The following ENO4 variants were observed in gnomAD, a reference collection of about 807,000 sequenced individuals.
ENO4 encodes the protein 2-phospho-D-glycerate hydro-lyase.
A neutral mutation model predicts 63.2 loss-of-function variants in ENO4; 53 were observed. The ratio of observed to expected loss-of-function variants is 0.84; its 90% CI spans 0.67 to 1.05. ENO4 has a LOEUF of 1.05. Ranked by LOEUF, ENO4 falls within the 50% of genes least tolerant of loss-of-function variation. The probability of loss-of-function intolerance (pLI) is 0.00; values close to 1 mark genes in which losing one functional copy is unlikely to be tolerated. For synonymous variants in ENO4, 266 were observed against 283.8 expected, an observed-to-expected ratio of 0.94 and a Z score of 0.63; for missense variants, 719 against 772.0, an observed-to-expected ratio of 0.93 and a Z score of 0.81.
At chr10:116,853,571 A>T (rs1048489500) in intron 1 of ENO4, among the ~76,000 whole-genome samples, 1 of 152,208 alleles carries the variant, frequency 6.6e-6, no homozygotes, top group Non-Finnish European at 1.5e-5. Flanking sequence ...TTCACAGCCC[A>T]TATTAAGCAC....
rs192062974 is a variant in ENO4, at chr10:116,910,736, A to G, written c.1195-763A>G. ...GTCATAGGGAGTTCTCCTTAATAGA[A>G]CACTGAATAACAGACTTTTCTGATC... On this transcript the variant is annotated intron_variant, in intron 10 of 10. Coordinates refer to the ENO4 transcript ENST00000369207. 5.1e-4 allele frequency among the ~76,000 whole-genome samples: 77 copies of G among 152,334 alleles called. 1 individual carries two copies. In the East Asian group the frequency reaches 0.014, roughly 28 times the overall value.
intron 7 of ENO4, chr10:116,868,429 A>G: frequency 4.4e-6 from 3 of 674,626 alleles, no homozygotes; most frequent in Non-Finnish European, 5.4e-6. Flanking sequence ...AGGATGAACT[A>G]AAGGAAACAC....
Position 116,911,691 on chromosome 10 carries a change from G to C in ENO4, c.*119G>C, listed in dbSNP as rs1245134827. 5.1e-6 allele frequency: 8 copies of C among 1,578,486 alleles called. No individual in the cohort carries two copies. The East Asian group carries it at 1.8e-4, about 35-fold the overall frequency. ...CAAAGATGAGGCTAATTGTAAATGG[G>C]AATAAAACACACCACAAACAATTCA... is the stretch of plus-strand genomic sequence containing the variant. On this transcript the variant is annotated 3_prime_UTR_variant, in exon 11 of 11. Coordinates refer to the ENO4 transcript ENST00000369207.
chr10:116,867,359 T>A (rs1336660943), intron 7 of ENO4, among the ~76,000 whole-genome samples: 1 of 149,980 alleles, frequency 6.7e-6, no homozygotes, highest in Non-Finnish European at 1.5e-5. Context: ...GCATTTTTTA[T>A]GATTAAAAAG....
chr10:116,879,269 C>T, intron 11 of ENO4, 22 bp from the exon 12 acceptor site: 1 of 1,535,748 alleles, frequency 6.5e-7, no homozygotes, highest in African/African-American at 1.4e-5. Flanking sequence ...CCATATAAAA[C>T]TGAAAGAAAT....
chr10:116,892,359 C>T (rs1383013861), intron 10 of ENO4, among the ~76,000 whole-genome samples: 1 of 152,208 alleles, frequency 6.6e-6, no homozygotes, highest in Non-Finnish European at 1.5e-5. Flanking sequence ...ACGATTTCAG[C>T]TCGGCCAAAG....
At position 116,876,200 on chromosome 10, in the gene ENO4, A is replaced by G. The variant is rs965309723; in HGVS notation, c.1477A>G (p.Ile493Val). Residue 493 changes from isoleucine (I) to valine (V), a missense_variant, in exon 11 of 14, where the codon ATA becomes GTA. Physicochemically the swap from Ile to Val is conservative, Grantham distance 29 (BLOSUM62 3). Around this residue, in one of 3 missense-constraint regions of ENO4, gnomAD observed 168 missense variants for 163.3 expected, o/e 1.03. Transcript: ENST00000341276. ...ISIPKSNGLI[I>V]KHTNQTTMSD... ...CATCCCCAAATCCAATGGGCTGATCATAAAACACACAAACCAAACTACAAT... is the reference window on the plus strand; with the variant it reads ...CATCCCCAAATCCAATGGGCTGATCGTAAAACACACAAACCAAACTACAAT... 1.3e-6 allele frequency: 2 copies of G among 1,550,450 alleles called. No homozygotes were observed. Among genetic ancestry groups the G allele is most frequent in the Admixed American group, 3.9e-5 (2 of 50,946 alleles).
chr10:116,897,640 T>C (rs1246293410), intron 10 of ENO4, among the ~76,000 whole-genome samples: 1 of 152,220 alleles, frequency 6.6e-6, no homozygotes, highest in Non-Finnish European at 1.5e-5. Context: ...TTTATTAAAA[T>C]GCTTTTCCTA....
chr10:116,861,869 A>T (rs1191714590), intron 6 of ENO4, among the ~76,000 whole-genome samples: 1 of 152,148 alleles, frequency 6.6e-6, no homozygotes, highest in Non-Finnish European at 1.5e-5. Context: ...ATGATAAAGA[A>T]TTCTTTCTTA....
In ENO4 at chr10:116,881,844, A is replaced by G; in HGVS notation, c.*175A>G. The G allele has an allele frequency of 2.0e-6, 1 of 494,224 alleles. No individual in the cohort carries two copies. The highest frequency in any genetic ancestry group is 3.3e-6 in the Non-Finnish European group (1 of 304,318). 30.6% of individuals were successfully genotyped at this position (494,224 alleles called of 1,614,324 possible). On this transcript the variant is annotated 3_prime_UTR_variant, in exon 14 of 14. Coordinates refer to ENST00000341276, the MANE Select transcript of ENO4 (RefSeq NM_001242699.2). ...TACATATATGATGTTTTTGCCTGAA[A>G]TTCTGTGAACTTCGTTTTGCAGCCA...
chr10:116,905,159 G>T (rs1022451958), intron 10 of ENO4, among the ~76,000 whole-genome samples: 30 of 144,826 alleles, frequency 2.1e-4, no homozygotes, highest in African/African-American at 7.8e-4. Context: ...CCGAGATTGC[G>T]CCACTGCAGT....
intron 10 of ENO4, among the ~76,000 whole-genome samples, chr10:116,894,665 G>A (rs1014474842): frequency 2.6e-5 from 4 of 152,128 alleles, no homozygotes; most frequent in Non-Finnish European, 4.4e-5. Context: ...TTTGAAGTAA[G>A]GTTTTAAAGA....
rs897426395 is a variant in ENO4, at chr10:116,881,421, G to A, written c.1724-94G>A. 4 of 946,908 alleles carry A rather than the reference G, an allele frequency of 4.2e-6. No individual in the cohort carries two copies. The African/African-American group carries it at 6.7e-5, about 16-fold the overall frequency. 58.7% of individuals were successfully genotyped at this position (946,908 alleles called of 1,614,324 possible). On this transcript the variant is annotated intron_variant, in intron 13 of 13. Transcript: ENST00000341276. ...TTCCGATGGTGATGTGACACCTTTGGACTAGTACTGAAGATGATCTCCTTC... is the reference window on the plus strand; with the variant it reads ...TTCCGATGGTGATGTGACACCTTTGAACTAGTACTGAAGATGATCTCCTTC...
In ENO4 at chr10:116,856,587, G is replaced by T; in HGVS notation, c.390G>T (p.Ala130=). The change falls in exon 3 of 14, where the codon GCG becomes GCT. Residue 130 remains alanine, a synonymous_variant. Transcript: ENST00000341276. ...AKAEEAERAS[A]VSTAVQWVNS... is the part of the protein sequence containing the mutation. ...CGGAGGAGGCAGAGAGGGCCAGCGC[G>T]GTGAGCACCGCCGTGCAGTGGGTCA... 1 of 1,536,130 alleles carries T rather than the reference G, an allele frequency of 6.5e-7. No individual in the cohort carries two copies. The highest frequency in any genetic ancestry group is 8.7e-7 in the Non-Finnish European group (1 of 1,146,930).
chr10:116,879,727 T>C (rs1011778326), intron 12 of ENO4, 142 bp from the exon 13 acceptor site: 4 of 670,692 alleles, frequency 6.0e-6, no homozygotes, highest in African/African-American at 5.5e-5. Context: ...TGTAGGCCAC[T>C]GTGCTTACAT....
intron 10 of ENO4, among the ~76,000 whole-genome samples, chr10:116,895,190 T>C (rs1192813930): frequency 1.3e-5 from 2 of 152,214 alleles, no homozygotes; most frequent in Admixed American, 6.5e-5. Context: ...TAAAAGCATC[T>C]TTCTAATCCA....
chr10:116,849,606 A>AG lies in ENO4; in HGVS notation c.43dup (p.Glu15GlyfsTer47). The AG allele has an allele frequency of 6.5e-7, 1 of 1,549,748 alleles. No individual in the cohort carries two copies. On this transcript the variant is annotated frameshift_variant, in exon 1 of 14. Coordinates refer to ENST00000341276, the MANE Select transcript of ENO4 (RefSeq NM_001242699.2). LOFTEE classifies it high-confidence loss of function. ...CGGCGGCCGCAGCTGTGGGACCACT[A>AG]GGGAGCTGCAGAAGCTGAAGCAGCA...
At chr10:116,869,604 G>T (rs559189858) in intron 8 of ENO4, among the ~76,000 whole-genome samples, 2 of 152,302 alleles carry the variant, frequency 1.3e-5, no homozygotes, top group Non-Finnish European at 2.9e-5. Context: ...GTTTGTATAT[G>T]TTGGAATGAG....
intron 11 of ENO4, among the ~76,000 whole-genome samples, chr10:116,877,963 G>A (rs1208951202): frequency 1.3e-5 from 2 of 152,286 alleles, no homozygotes; most frequent in East Asian, 3.9e-4. Context: ...GGACCAGAAT[G>A]CTTTGCTCTG....
Sources: allele counts gnomAD v4.1 joint callset (sites outside exome capture counted in the v4.1 genomes callset), GRCh38; gene constraint gnomAD v4.1.1; regional missense constraint gnomAD v4.1.1; transcripts MANE v1.5; gene names NCBI Gene and HGNC (gene_info 2026-07-23, HGNC 2026-07-21).